ADAMTSL3: variants seen among roughly 807,000 people sequenced by gnomAD.
ADAMTSL3 encodes ADAMTS-like protein 3.
In ADAMTSL3, 128 loss-of-function variants were observed where a neutral mutation model predicts 201.7. The observed-to-expected ratio is 0.63, with a 90% CI of 0.55 to 0.73. The LOEUF (loss-of-function observed/expected upper bound fraction) is 0.73. ADAMTSL3 is among the 30% of genes least tolerant of loss of function. The pLI is 0.00. For missense variants in ADAMTSL3, 1,990 were observed against 2,119.6 expected, an observed-to-expected ratio of 0.94 and a Z score of 1.20; for synonymous variants, 738 against 748.4, an observed-to-expected ratio of 0.99 and a Z score of 0.23.
chr15:83,742,395 T>G (rs1175870999), intron 3 of ADAMTSL3, among the ~76,000 whole-genome samples: 1 of 152,038 alleles, frequency 6.6e-6, no homozygotes, highest in Admixed American at 6.6e-5. Flanking sequence ...TAAACTAAAC[T>G]TCCAACTTAT....
chr15:83,763,506 CTT>C (rs1294346370), intron 3 of ADAMTSL3, among the ~76,000 whole-genome samples: 17 of 131,852 alleles, frequency 1.3e-4, no homozygotes, highest in Non-Finnish European at 9.8e-5. Context: ...ACAAATAATT[CTT>C]TTTTTTTTTT....
At chr15:83,750,785 C>T (rs573739094) in intron 3 of ADAMTSL3, among the ~76,000 whole-genome samples, 85 of 152,240 alleles carry the variant, frequency 5.6e-4, no homozygotes, top group Non-Finnish European at 1.1e-3. Flanking sequence ...CTCTTGACCT[C>T]GTGATCTGCC....
intron 3 of ADAMTSL3, among the ~76,000 whole-genome samples, chr15:83,711,921 G>A (rs1465871289): frequency 1.3e-5 from 2 of 152,160 alleles, no homozygotes; most frequent in Non-Finnish European, 2.9e-5. Context: ...ATGGGTTAAG[G>A]GGTGGGTATA....
chr15:83,869,063 C>T (rs931005917), intron 8 of ADAMTSL3, among the ~76,000 whole-genome samples: 4 of 152,264 alleles, frequency 2.6e-5, no homozygotes, highest in South Asian at 2.1e-4. Flanking sequence ...AACACAGCCG[C>T]GGAATCCATT....
At chr15:83,716,253 A>G (rs2062016250) in intron 3 of ADAMTSL3, among the ~76,000 whole-genome samples, 2 of 152,200 alleles carry the variant, frequency 1.3e-5, no homozygotes, top group Admixed American at 1.3e-4. Context: ...CAGTAATCTC[A>G]GCACTTTGGG....
intron 5 of ADAMTSL3, among the ~76,000 whole-genome samples, chr15:83,809,055 T>C (rs1459000366): frequency 1.3e-5 from 2 of 152,082 alleles, no homozygotes; most frequent in African/African-American, 4.8e-5. Context: ...AGGATGATTT[T>C]TGGTGTCCTG....
rs188626186 is a variant in ADAMTSL3 at position 83,989,117 on chromosome 15, C to T, written c.3844+299C>T. Among the ~76,000 whole-genome samples the T allele has an allele frequency of 6.6e-4, 101 of 152,200 alleles. No individual in the cohort carries two copies. The East Asian group carries it at 0.017, about 26-fold the overall frequency. The stretch of plus-strand genomic sequence containing the variant: ...CAGGATGGTCTCGATCTCCTGACCT[C>T]GTGATCCACCCGCCTTGGCCTCCCA... On this transcript the variant is annotated intron_variant, in intron 22 of 29. Transcript: ENST00000286744.
chr15:83,960,935 A>G (rs1425003267), intron 19 of ADAMTSL3, among the ~76,000 whole-genome samples: 2 of 152,174 alleles, frequency 1.3e-5, no homozygotes, highest in Non-Finnish European at 2.9e-5. Flanking sequence ...GGGGGAATGG[A>G]GCATAAAGCA....
At chr15:83,734,988 C>T (rs993237258) in intron 3 of ADAMTSL3, among the ~76,000 whole-genome samples, 3 of 152,098 alleles carry the variant, frequency 2.0e-5, no homozygotes, top group African/African-American at 4.8e-5. Context: ...TATGATTATA[C>T]TATTGTCTGA....
chr15:83,709,608 G>A (rs1185353932), intron 3 of ADAMTSL3, among the ~76,000 whole-genome samples: 3 of 152,072 alleles, frequency 2.0e-5, no homozygotes, highest in Non-Finnish European at 4.4e-5. Flanking sequence ...GGGATGGTGT[G>A]GTTGTTTTCC....
rs542023595 is a variant in ADAMTSL3 at position 83,669,629 on chromosome 15, G to A, written c.69+13799G>A. Among the ~76,000 whole-genome samples, 781 of 150,916 alleles carry A rather than the reference G, an allele frequency of 5.2e-3. 6 individuals carry two copies. The highest frequency in any genetic ancestry group is 0.018 in the African/African-American group (744 of 41,128). On this transcript the variant is annotated intron_variant, in intron 2 of 29. Transcript: ENST00000286744. ...ACTACAGGTGCCCGCCACCACGCCC[G>A]GCTAATTTTTTTGTATTTTTAGTAG...
chr15:83,838,594 A>C (rs1179252439), intron 7 of ADAMTSL3, among the ~76,000 whole-genome samples: 1 of 152,234 alleles, frequency 6.6e-6, no homozygotes. Flanking sequence ...TTAGCTACTG[A>C]AGCCATTTAT....
At chr15:83,720,746 G>A (rs2062088676) in intron 3 of ADAMTSL3, among the ~76,000 whole-genome samples, 1 of 152,162 alleles carries the variant, frequency 6.6e-6, no homozygotes, top group South Asian at 2.1e-4. Flanking sequence ...TTTACAAGTT[G>A]AGTCTATTTT....
intron 14 of ADAMTSL3, among the ~76,000 whole-genome samples, chr15:83,898,842 A>C (rs2065668389): frequency 6.6e-6 from 1 of 152,182 alleles, no homozygotes; most frequent in Non-Finnish European, 1.5e-5. Flanking sequence ...TTCATTATTC[A>C]TACAAATAGC....
chr15:83,766,371 T>A (rs150270393), intron 3 of ADAMTSL3, among the ~76,000 whole-genome samples: 83 of 152,324 alleles, frequency 5.4e-4, no homozygotes, highest in African/African-American at 1.9e-3. Context: ...AACGAATGCA[T>A]GTGAGTTCAT....
intron 20 of ADAMTSL3, among the ~76,000 whole-genome samples, chr15:83,977,310 G>T (rs913665853): frequency 1.3e-5 from 2 of 152,146 alleles, no homozygotes; most frequent in Non-Finnish European, 2.9e-5. Flanking sequence ...CCAGTACCTG[G>T]TGCCAGAAAG....
At chr15:83,906,589 ATATGTATC>A (rs1170911047) in intron 15 of ADAMTSL3, among the ~76,000 whole-genome samples, 1 of 131,276 alleles carries the variant, frequency 7.6e-6, no homozygotes, top group East Asian at 2.3e-4. Flanking sequence ...TAATTTTAGT[ATATGTATC>A]TATATATTTA....
At chr15:83,704,965 AGTGTGTGTGT>A (rs10536633) in intron 3 of ADAMTSL3, among the ~76,000 whole-genome samples, 14 of 147,666 alleles carry the variant, frequency 9.5e-5, no homozygotes, top group East Asian at 8.0e-4. Flanking sequence ...TATGTCTGTG[AGTGTGTGTGT>A]GTGTGTGTGT....
chr15:83,925,171 G>T (rs914200162), intron 17 of ADAMTSL3, among the ~76,000 whole-genome samples: 1 of 152,086 alleles, frequency 6.6e-6, no homozygotes, highest in Non-Finnish European at 1.5e-5. Context: ...TAGAAATCAG[G>T]CCCTCCACAT....
Sources: gnomAD v4.1 joint callset for allele counts (sites outside exome capture counted in the v4.1 genomes callset) on GRCh38, gnomAD v4.1.1 for gene constraint, MANE v1.5 for transcripts, NCBI Gene and HGNC (gene_info 2026-07-23, HGNC 2026-07-21) for gene names.